Variants in DLD observed in about 807,000 individuals in gnomAD.
The protein encoded by DLD is dihydrolipoyl dehydrogenase, mitochondrial.
In DLD, 36 loss-of-function variants were observed where a neutral mutation model predicts 62.2. That is an observed-to-expected ratio of 0.58 (90% CI 0.44 to 0.76). DLD has a LOEUF of 0.76. DLD is among the 30% of genes least tolerant of loss of function. The pLI is 0.00. For missense variants in DLD, 541 were observed against 608.6 expected, an observed-to-expected ratio of 0.89 and a Z score of 1.17; for synonymous variants, 204 against 199.6, an observed-to-expected ratio of 1.02 and a Z score of -0.19.
At chr7:107,905,659 G>T (rs1167575941) in intron 7 of DLD, 155 bp downstream of exon 7, 2 of 771,428 alleles carry the variant, frequency 2.6e-6, no homozygotes, top group African/African-American at 3.5e-5. Context: ...TCTTTATTCT[G>T]CAGTGATTCT....
At chr7:107,897,149 A>G (rs141472069) in intron 2 of DLD, among the ~76,000 whole-genome samples, 31 of 152,180 alleles carry the variant, frequency 2.0e-4, no homozygotes, top group African/African-American at 7.2e-4. Context: ...ATCTGATTTT[A>G]CCTTTATTTT....
At chr7:107,918,136 T>TG in intron 12 of DLD, 75 bp downstream of exon 12, 1 of 1,559,586 alleles carries the variant, frequency 6.4e-7, no homozygotes, top group Non-Finnish European at 8.8e-7. Context: ...ATAAACCACC[T>TG]GGTGTTAGTC....
In DLD at chr7:107,918,050, A is replaced by G. The variant is rs1443159872; in HGVS notation, c.1363A>G (p.Ile455Val). 6.2e-7 allele frequency: 1 copy of G among 1,613,898 alleles called. No individual in the cohort carries two copies. Among genetic ancestry groups the G allele is most frequent in the East Asian group, 2.2e-5 (1 of 44,886 alleles). Residue 455 changes from isoleucine (I) to valine (V), a missense_variant, in exon 12 of 14, where the codon ATT becomes GTT. Coordinates refer to ENST00000205402, the MANE Select transcript of DLD (RefSeq NM_000108.5). Reference protein sequence around the residue: ...KSTDRVLGAHILGPGAGEMVN... With the variant: ...KSTDRVLGAHVLGPGAGEMVN... ...GACAGACAGAGTACTGGGAGCACAT[A>G]TTCTTGGACCAGTGAGTATTGTAAA...
intron 5 of DLD, 126 bp from the exon 6 acceptor site, chr7:107,904,832 A>G (rs2031963984): frequency 5.6e-6 from 4 of 718,818 alleles, no homozygotes; most frequent in Non-Finnish European, 7.5e-6. Context: ...AAGTTATTAC[A>G]TTTTGAAACT....
chr7:107,901,750 T>TA lies in DLD; in HGVS notation c.133dup (p.Thr45AsnfsTer15). ...GCTTTTATCGTAGTTGATGCTGATG[T>TA]AACAGTTATAGGTTCTGGTCCTGGA... On this transcript the variant is annotated frameshift_variant, in exon 3 of 14. Coordinates refer to ENST00000205402, the MANE Select transcript of DLD (RefSeq NM_000108.5). LOFTEE classifies it high-confidence loss of function. 6.2e-7 allele frequency: 1 copy of TA among 1,613,538 alleles called. No homozygotes were observed. The highest frequency in any genetic ancestry group is 8.5e-7 in the Non-Finnish European group (1 of 1,179,546).
In DLD at chr7:107,919,239, G is replaced by A; in HGVS notation, c.1510G>A (p.Gly504Ser). The stretch of plus-strand genomic sequence containing the variant: ...AGAAGCAAATCTTGCTGCGTCATTT[G>A]GCAAATCAATCAACTTTTGAATTAG... ...FREANLAASF[G>S]KSINF is the part of the protein sequence containing the mutation. The change falls in exon 14 of 14, where the codon GGC (glycine) becomes AGC (serine). Residue 504 changes from glycine to serine, a missense_variant. Physicochemically the swap from Gly to Ser is moderately conservative, Grantham distance 56. Coordinates refer to ENST00000205402, the MANE Select transcript of DLD (RefSeq NM_000108.5). 1 of 1,612,214 alleles carries A rather than the reference G, an allele frequency of 6.2e-7. No individual in the cohort carries two copies. The highest frequency in any genetic ancestry group is 1.1e-5 in the South Asian group (1 of 90,868).
chr7:107,899,042 AT>A, intron 2 of DLD, among the ~76,000 whole-genome samples: 1 of 152,332 alleles, frequency 6.6e-6, no homozygotes, highest in East Asian at 1.9e-4. Context: ...AATTATAAGC[AT>A]TTAGAAAATT....
At chr7:107,905,891 C>A in intron 7 of DLD, 1 of 319,448 alleles carries the variant, frequency 3.1e-6, no homozygotes, top group Non-Finnish European at 5.9e-6. Context: ...CTCTTCATAT[C>A]CTTGGAGGAT....
In DLD at chr7:107,904,981, G is replaced by A. The variant is rs780305161; in HGVS notation, c.361G>A (p.Asp121Asn). ...AGTGTCCGAAGTTCGCTTGAATTTA[G>A]ACAAGATGATGGAGCAGAAGAGTAC... is the stretch of plus-strand genomic sequence containing the variant. The part of the protein sequence containing the change: ...IEMSEVRLNL[D>N]KMMEQKSTAV... Residue 121 changes from aspartate (D) to asparagine (N), a missense_variant, in exon 6 of 14, where the codon GAC becomes AAC. Asp to Asn is a conservative substitution (Grantham distance 23, BLOSUM62 1). Transcript: ENST00000205402. 6.2e-7 allele frequency: 1 copy of A among 1,613,138 alleles called. No individual in the cohort carries two copies.
At chr7:107,913,219 C>T (rs536875739) in intron 8 of DLD, among the ~76,000 whole-genome samples, 4 of 152,072 alleles carry the variant, frequency 2.6e-5, no homozygotes, top group African/African-American at 2.4e-5. Flanking sequence ...ATTTTGAAGC[C>T]GGTTAATATG....
Position 107,905,670 on chromosome 7 carries a change from GA to G in DLD, c.582+167del, listed in dbSNP as rs1416719819. 7.0e-6 allele frequency: 5 copies of G among 713,136 alleles called. No homozygotes were observed. In the Admixed American group the frequency reaches 1.1e-4, roughly 16 times the overall value. 44.2% of individuals were successfully genotyped at this position (713,136 alleles called of 1,614,324 possible). A position where few individuals can be genotyped will look rare whatever the true frequency, so the allele number is the denominator to read the frequency against. ...CCTGTCTTTATTCTGCAGTGATTCT[GA>G]CCAGCTATAGAACACTTTATATTAA... On this transcript the variant is annotated intron_variant, in intron 7 of 13. Transcript: ENST00000205402.
chr7:107,891,382 C>A (rs1313789704), intron 1 of DLD, 93 bp downstream of exon 1: 2 of 1,312,312 alleles, frequency 1.5e-6, no homozygotes, highest in Non-Finnish European at 2.0e-6. Context: ...GTTGGGCTGG[C>A]GGAGGCGGGC....
Position 107,917,948 on chromosome 7 carries a change from T to C in DLD, c.1261T>C (p.Phe421Leu). ...EEGIEYKVGK[F>L]PFAANSRAKT... ...GGGTATTGAGTACAAAGTTGGGAAA[T>C]TCCCATTTGCTGCTAACAGCAGAGC... is the stretch of plus-strand genomic sequence containing the variant. Residue 421 changes from phenylalanine (F) to leucine (L), a missense_variant, in exon 12 of 14, where the codon TTC becomes CTC. Transcript: ENST00000205402. 1 of 1,614,076 alleles carries C rather than the reference T, an allele frequency of 6.2e-7. No homozygotes were observed. The highest frequency in any genetic ancestry group is 8.5e-7 in the Non-Finnish European group (1 of 1,179,970).
intron 10 of DLD, 131 bp from the exon 11 acceptor site, chr7:107,917,142 T>C (rs752830406): frequency 4.8e-6 from 6 of 1,247,592 alleles, no homozygotes; most frequent in Non-Finnish European, 6.9e-6. Flanking sequence ...AATTCATAGA[T>C]TTTTGAAGAG....
chr7:107,905,202 C>T, intron 6 of DLD, 144 bp downstream of exon 6: 1 of 1,009,122 alleles, frequency 9.9e-7, no homozygotes, highest in Non-Finnish European at 1.5e-6. Flanking sequence ...ATTTCCCTGA[C>T]ATATATCACA....
At chr7:107,892,505 A>C (rs1442390416) in intron 1 of DLD, among the ~76,000 whole-genome samples, 1 of 151,876 alleles carries the variant, frequency 6.6e-6, no homozygotes, top group South Asian at 2.1e-4. Flanking sequence ...TAGATTATTC[A>C]AGTATTTAAG....
chr7:107,895,497 C>T (rs908190613), intron 2 of DLD, among the ~76,000 whole-genome samples: 3 of 152,204 alleles, frequency 2.0e-5, no homozygotes, highest in Non-Finnish European at 2.9e-5. Flanking sequence ...ACTTACAGCA[C>T]TTATATCACT....
upstream of DLD, chr7:107,891,118 G>C: frequency 8.6e-7 from 1 of 1,161,176 alleles, no homozygotes; most frequent in African/African-American, 1.5e-5. Context: ...GAACCGCGCG[G>C]GCCAATCGCG....
chr7:107,901,768 G>T lies in DLD; in HGVS notation c.149G>T (p.Gly50Val). The change falls in exon 3 of 14, where the codon GGT becomes GTT. Residue 50 changes from glycine (G) to valine (V), a missense_variant. By Grantham distance (109) the Gly-to-Val change is moderately radical. Transcript: ENST00000205402. ...GCTGATGTAACAGTTATAGGTTCTG[G>T]TCCTGGAGGATATGTTGCTGCTATT... ...IDADVTVIGS[G>V]PGGYVAAIKA... 6.2e-7 allele frequency: 1 copy of T among 1,613,650 alleles called. No homozygotes were observed. Among genetic ancestry groups the T allele is most frequent in the Non-Finnish European group, 8.5e-7 (1 of 1,179,704 alleles).
Sources: allele counts gnomAD v4.1 joint callset (sites outside exome capture counted in the v4.1 genomes callset), GRCh38; gene constraint gnomAD v4.1.1; transcripts MANE v1.5; gene names NCBI Gene and HGNC (gene_info 2026-07-23, HGNC 2026-07-21).